RGS7: variants seen among roughly 807,000 people sequenced by gnomAD.
The protein encoded by RGS7 is regulator of G-protein signaling 7.
A neutral mutation model predicts 81.1 loss-of-function variants in RGS7; 27 were observed. The ratio of observed to expected loss-of-function variants is 0.33; its 90% CI spans 0.25 to 0.46. The LOEUF (loss-of-function observed/expected upper bound fraction) is 0.46. Among genes scored for constraint, RGS7 ranks in the 20% least tolerant of loss-of-function variants. RGS7 has a pLI of 1.00. For missense variants in RGS7, 396 were observed against 607.4 expected (o/e 0.65, Z 3.66); for synonymous variants, 208 against 207.7 (o/e 1.00, Z -0.01).
intron 3 of RGS7, among the ~76,000 whole-genome samples, chr1:241,041,500 G>A (rs1439448835): frequency 2.0e-5 from 3 of 152,096 alleles, no homozygotes; most frequent in African/African-American, 4.8e-5. Flanking sequence ...GAGAAGAGAT[G>A]TGGCCCTGTC....
chr1:240,954,385 G>T (rs1212892616), intron 4 of RGS7, among the ~76,000 whole-genome samples: 1 of 152,012 alleles, frequency 6.6e-6, no homozygotes, highest in Non-Finnish European at 1.5e-5. Flanking sequence ...TTAATAAAAA[G>T]AATTATACAC....
chr1:240,810,545 T>C (rs896698399), intron 14 of RGS7, among the ~76,000 whole-genome samples: 6 of 151,440 alleles, frequency 4.0e-5, no homozygotes, highest in Non-Finnish European at 8.8e-5. Flanking sequence ...CTCCTGGGTT[T>C]AAGCGATTCT....
intron 3 of RGS7, among the ~76,000 whole-genome samples, chr1:241,030,083 T>C (rs1208492736): frequency 6.6e-6 from 1 of 152,112 alleles, no homozygotes; most frequent in Admixed American, 6.6e-5. Context: ...AGAGTAAAGA[T>C]TACTCTTTTT....
intron 9 of RGS7, among the ~76,000 whole-genome samples, chr1:240,839,589 A>T (rs1449385396): frequency 2.0e-5 from 3 of 152,140 alleles, no homozygotes; most frequent in African/African-American, 7.2e-5. Context: ...TCTAAGAAAG[A>T]GGATGGCATA....
intron 2 of RGS7, among the ~76,000 whole-genome samples, chr1:241,338,837 T>A (rs2082380488): frequency 6.6e-6 from 1 of 152,068 alleles, no homozygotes; most frequent in Non-Finnish European, 1.5e-5. Context: ...GAACATATTA[T>A]CATCATCACT....
At chr1:240,791,596 G>A (rs1686016948) in intron 18 of RGS7, among the ~76,000 whole-genome samples, 1 of 152,150 alleles carries the variant, frequency 6.6e-6, no homozygotes, top group African/African-American at 2.4e-5. Context: ...TCTGAAAGAG[G>A]TTTCATAAAA....
At chr1:240,950,084 C>T (rs989950003) in intron 4 of RGS7, among the ~76,000 whole-genome samples, 2 of 152,144 alleles carry the variant, frequency 1.3e-5, no homozygotes, top group African/African-American at 4.8e-5. Flanking sequence ...GGAGCAGAAG[C>T]TTTTGGATCC....
chr1:241,251,070 CCTT>C (rs1349681344), intron 2 of RGS7, among the ~76,000 whole-genome samples: 8 of 152,176 alleles, frequency 5.3e-5, no homozygotes, highest in African/African-American at 1.7e-4. Context: ...TATTTTCAAA[CCTT>C]CTGTTTTCGC....
chr1:241,199,397 C>G (rs2073327268), intron 2 of RGS7, among the ~76,000 whole-genome samples: 1 of 151,716 alleles, frequency 6.6e-6, no homozygotes, highest in East Asian at 1.9e-4. Context: ...GCACTCCAGC[C>G]TGGTGACAGA....
rs370088729 is a variant in RGS7 at position 240,931,554 on chromosome 1, A to T, written c.334-786T>A. Among the ~76,000 whole-genome samples, 10 of 152,304 alleles carry T rather than the reference A, an allele frequency of 6.6e-5. No individual in the cohort carries two copies. In the East Asian group the frequency reaches 1.2e-3, roughly 18 times the overall value. ...CACCTCATGTATTCCATACGTATAAACACCTATTATGTACCCACAAAAATT... is the reference window on the plus strand; with the variant it reads ...CACCTCATGTATTCCATACGTATAATCACCTATTATGTACCCACAAAAATT... On this transcript the variant is annotated intron_variant, in intron 5 of 18. Transcript: ENST00000440928.
chr1:240,932,936 T>G (rs1344650188), intron 5 of RGS7, among the ~76,000 whole-genome samples: 1 of 131,806 alleles, frequency 7.6e-6, no homozygotes, highest in Non-Finnish European at 1.6e-5. Context: ...CAGGCTGGAC[T>G]GCAGTGGCGC....
intron 2 of RGS7, among the ~76,000 whole-genome samples, chr1:241,236,162 C>A (rs910609566): frequency 1.5e-5 from 2 of 130,894 alleles, no homozygotes; most frequent in Non-Finnish European, 3.4e-5. Flanking sequence ...GAGCAAATGA[C>A]GACCTCCGCC....
chr1:241,157,118 T>C (rs552102538), intron 2 of RGS7, among the ~76,000 whole-genome samples: 1 of 150,896 alleles, frequency 6.6e-6, no homozygotes, highest in East Asian at 1.9e-4. Context: ...AGTTGTCTGG[T>C]GGAATTAAAA....
At chr1:240,936,213 T>C (rs1332742986) in intron 5 of RGS7, among the ~76,000 whole-genome samples, 1 of 152,228 alleles carries the variant, frequency 6.6e-6, no homozygotes, top group African/African-American at 2.4e-5. Context: ...AGCTGAATCC[T>C]ATCTGGAGTT....
intron 2 of RGS7, among the ~76,000 whole-genome samples, chr1:241,309,944 A>G (rs2080407817): frequency 1.3e-5 from 2 of 152,254 alleles, no homozygotes; most frequent in African/African-American, 2.4e-5. Flanking sequence ...TAAAAGAATC[A>G]ATGTGTCAAA....
chr1:241,327,104 A>AAG lies in RGS7; in HGVS notation c.78+28593_78+28594dup, dbSNP rs1553320728. 1.3e-4 allele frequency among the ~76,000 whole-genome samples: 13 copies of AAG among 97,996 alleles called. 1 individual carries two copies. The highest frequency in any genetic ancestry group is 1.9e-4 in the Admixed American group (2 of 10,282). 64.3% of individuals were successfully genotyped at this position (97,996 alleles called of 152,430 possible). A position where few individuals can be genotyped will look rare whatever the true frequency, so the allele number is the denominator to read the frequency against. On this transcript the variant is annotated intron_variant, in intron 2 of 18. Transcript: ENST00000440928. ...AGAGAAAGAAAGAAAGAAAGAAAGA[A>AAG]AGAAAGAAAGAAAGAAAGAAAGAAA...
intron 4 of RGS7, among the ~76,000 whole-genome samples, chr1:240,967,046 G>C (rs1427833519): frequency 6.6e-6 from 1 of 152,114 alleles, no homozygotes; most frequent in African/African-American, 2.4e-5. Flanking sequence ...CTCAGACTTC[G>C]GGAAATGTCC....
chr1:240,980,485 G>T (rs1684756355), intron 4 of RGS7, among the ~76,000 whole-genome samples: 1 of 152,124 alleles, frequency 6.6e-6, no homozygotes, highest in Non-Finnish European at 1.5e-5. Context: ...CTAGGCATGG[G>T]TTTCTTTCTT....
At chr1:241,147,931 G>A (rs1194180516) in intron 2 of RGS7, among the ~76,000 whole-genome samples, 3 of 148,014 alleles carry the variant, frequency 2.0e-5, no homozygotes, top group Admixed American at 1.3e-4. Context: ...TAATTGAGTG[G>A]CTACTATATT....
Sources: allele counts gnomAD v4.1 joint callset (sites outside exome capture counted in the v4.1 genomes callset), GRCh38; gene constraint gnomAD v4.1.1; transcripts MANE v1.5; gene names NCBI Gene and HGNC (gene_info 2026-07-23, HGNC 2026-07-21).